SEC22A: variants seen among roughly 807,000 people sequenced by gnomAD.
SEC22A encodes the protein vesicle-trafficking protein SEC22a.
Under a neutral mutation model 35.3 loss-of-function variants are expected in SEC22A, and 22 were observed. That is an observed-to-expected ratio of 0.62 (90% CI 0.45 to 0.89). The LOEUF (loss-of-function observed/expected upper bound fraction) is 0.89. SEC22A is among the 40% of genes least tolerant of loss of function. The probability of loss-of-function intolerance (pLI) is 0.00; values close to 1 mark genes in which losing one functional copy is unlikely to be tolerated. For missense variants in SEC22A, 354 were observed against 362.5 expected (o/e 0.98, Z 0.19); for synonymous variants, 119 against 129.5 (o/e 0.92, Z 0.55).
At chr3:123,248,702 GT>G (rs1343530547) in intron 5 of SEC22A, among the ~76,000 whole-genome samples, 16 of 152,184 alleles carry the variant, frequency 1.1e-4, no homozygotes, top group African/African-American at 1.4e-4. Flanking sequence ...AAAATTTCAA[GT>G]TATTTGATGG....
At chr3:123,209,760 G>A (rs1003813097) in intron 2 of SEC22A, among the ~76,000 whole-genome samples, 2 of 152,182 alleles carry the variant, frequency 1.3e-5, no homozygotes, top group Admixed American at 6.5e-5. Flanking sequence ...ACGTCTAGTG[G>A]GAGGGGGTAG....
At chr3:123,220,138 G>T (rs1372391334) in intron 2 of SEC22A, among the ~76,000 whole-genome samples, 1 of 152,124 alleles carries the variant, frequency 6.6e-6, no homozygotes, top group Non-Finnish European at 1.5e-5. Context: ...AAGTAAGATA[G>T]ACCATTTGGG....
intron 4 of SEC22A, among the ~76,000 whole-genome samples, chr3:123,239,445 C>G (rs919950226): frequency 2.6e-5 from 4 of 152,034 alleles, no homozygotes; most frequent in African/African-American, 9.7e-5. Context: ...ATCCCTCCCC[C>G]CTCCACCCAC....
At chr3:123,259,993 A>G (rs9289217) in intron 6 of SEC22A, among the ~76,000 whole-genome samples, 29,817 of 151,846 alleles carry the variant, frequency 0.2, 3,035 homozygotes, top group Middle Eastern at 0.27. Context: ...TTAGCCGGGC[A>G]TGGTGATGTG....
chr3:123,271,671 A>G lies in SEC22A; in HGVS notation c.873A>G (p.Leu291=). The G allele has an allele frequency of 1.9e-6, 3 of 1,614,104 alleles. No individual in the cohort carries two copies. The highest frequency in any genetic ancestry group is 2.5e-6 in the Non-Finnish European group (3 of 1,179,988). The change falls in exon 7 of 7, where the codon CTA becomes CTG. Residue 291 remains leucine (L), a synonymous_variant. Coordinates refer to ENST00000492595, the MANE Select transcript of SEC22A (RefSeq NM_012430.5). The part of the protein sequence containing the change: ...FHVTVGAFVT[L]QIWLRQAQGK... ...TGACTGTGGGAGCATTTGTTACACT[A>G]CAGATCTGGCTAAGGCAAGCCCAGG...
At position 123,271,599 on chromosome 3, in the gene SEC22A, C is replaced by G. The variant is rs772354089; in HGVS notation, c.801C>G (p.Asn267Lys). The change falls in exon 7 of 7, where the codon AAC becomes AAG. Residue 267 changes from asparagine (N) to lysine (K), a missense_variant. Physicochemically the swap from Asn to Lys is moderately conservative, Grantham distance 94. Transcript: ENST00000492595. Reference sequence around the variant, plus strand: ...CTTTTGGCTTAATCTGTCTATGCAACATGTATCTCTATGAACTGCGCAACC... The same window carrying G: ...CTTTTGGCTTAATCTGTCTATGCAAGATGTATCTCTATGAACTGCGCAACC... ...FLTFGLICLC[N>K]MYLYELRNLW... 5.6e-6 allele frequency: 9 copies of G among 1,614,138 alleles called. No individual in the cohort carries two copies. The highest frequency in any genetic ancestry group is 7.6e-6 in the Non-Finnish European group (9 of 1,179,998).
At chr3:123,226,392 C>T (rs1021727550) in intron 4 of SEC22A, among the ~76,000 whole-genome samples, 7 of 152,222 alleles carry the variant, frequency 4.6e-5, no homozygotes, top group Non-Finnish European at 1.0e-4. Flanking sequence ...CCCAGTTTAA[C>T]TGAGGTGAAA....
intron 5 of SEC22A, among the ~76,000 whole-genome samples, chr3:123,258,908 T>TA (rs1044966426): frequency 3.6e-4 from 55 of 152,300 alleles, no homozygotes; most frequent in African/African-American, 1.3e-3. Flanking sequence ...ATGTCTCCAT[T>TA]AGTTTTCTTT....
At position 123,273,895 on chromosome 3, in the gene SEC22A, CT is replaced by C. The variant is rs1216491420; in HGVS notation, c.*2174del. 1 of 152,022 alleles carries C rather than the reference CT, an allele frequency of 6.6e-6. No homozygotes were observed. Among genetic ancestry groups the C allele is most frequent in the Non-Finnish European group, 1.5e-5 (1 of 68,016 alleles). 9.4% of individuals were successfully genotyped at this position (152,022 alleles called of 1,614,324 possible). Reference sequence around the variant, plus strand: ...GGAGCATTCTGGTTGAGATTTTGCTCTGTATTGACACAGCTCGCACCAGTTT... The same window carrying C: ...GGAGCATTCTGGTTGAGATTTTGCTCGTATTGACACAGCTCGCACCAGTTT... On this transcript the variant is annotated 3_prime_UTR_variant, in exon 7 of 7. Transcript: ENST00000492595.
intron 4 of SEC22A, among the ~76,000 whole-genome samples, chr3:123,233,395 C>A (rs1206438373): frequency 1.3e-5 from 2 of 152,100 alleles, no homozygotes; most frequent in African/African-American, 4.8e-5. Context: ...TGTAAATACA[C>A]TCTATGACGT....
chr3:123,211,041 G>C (rs1407720241), intron 2 of SEC22A, among the ~76,000 whole-genome samples: 1 of 152,136 alleles, frequency 6.6e-6, no homozygotes, highest in Non-Finnish European at 1.5e-5. Flanking sequence ...ACGTGACTTT[G>C]ATGTAATATG....
rs911751238 is a variant in SEC22A at position 123,213,759 on chromosome 3, C to G, written c.182+4360C>G. 9.9e-5 allele frequency among the ~76,000 whole-genome samples: 15 copies of G among 152,034 alleles called. 1 individual carries two copies. The highest frequency in any genetic ancestry group is 8.5e-4 in the Admixed American group (13 of 15,268). On this transcript the variant is annotated intron_variant, in intron 2 of 6. Coordinates refer to ENST00000492595, the MANE Select transcript of SEC22A (RefSeq NM_012430.5). The stretch of plus-strand genomic sequence containing the variant: ...TAGAAATTGAGATACTCTTTCTTTA[C>G]AGAATCTCAAAATCACTAAGTATAT...
chr3:123,216,862 T>C (rs1424353429), intron 2 of SEC22A, among the ~76,000 whole-genome samples: 2 of 152,346 alleles, frequency 1.3e-5, no homozygotes, highest in East Asian at 3.9e-4. Flanking sequence ...GGGGTTTTGC[T>C]CTGTTGCCCA....
At chr3:123,230,112 C>T (rs1485582782) in intron 4 of SEC22A, among the ~76,000 whole-genome samples, 1 of 152,088 alleles carries the variant, frequency 6.6e-6, no homozygotes, top group Non-Finnish European at 1.5e-5. Context: ...GCCCTCCAGC[C>T]TGGGCAGTAG....
At position 123,271,546 on chromosome 3, in the gene SEC22A, G is replaced by A. The variant is rs774338540; in HGVS notation, c.748G>A (p.Gly250Ser). The A allele has an allele frequency of 1.5e-5, 24 of 1,613,572 alleles. No individual in the cohort carries two copies. Among genetic ancestry groups the A allele is most frequent in the Non-Finnish European group, 2.0e-5 (24 of 1,179,968 alleles). Residue 250 changes from glycine (G) to serine (S), a missense_variant, in exon 7 of 7, where the codon GGC becomes AGC. Gly to Ser is a moderately conservative substitution (Grantham distance 56, BLOSUM62 0). Transcript: ENST00000492595. ...GTGTTATTTACTTGTCTACTACACC[G>A]GCTGGCGGAATGTCAAATCTTTTTT... ...YQCYLLVYYT[G>S]WRNVKSFLTF...
At chr3:123,251,379 T>C (rs1023326126) in intron 5 of SEC22A, among the ~76,000 whole-genome samples, 2 of 152,190 alleles carry the variant, frequency 1.3e-5, no homozygotes, top group Non-Finnish European at 2.9e-5. Flanking sequence ...GAATCCTTTC[T>C]TTTGTCTTAG....
chr3:123,214,145 A>G (rs1936985066), intron 2 of SEC22A, among the ~76,000 whole-genome samples: 1 of 152,230 alleles, frequency 6.6e-6, no homozygotes, highest in Admixed American at 6.5e-5. Flanking sequence ...CAGTGAGCTG[A>G]GATCGTGCCA....
rs1382358696 is a variant in SEC22A at position 123,273,252 on chromosome 3, C to G, written c.*1530C>G. 1 of 152,134 alleles carries G rather than the reference C, an allele frequency of 6.6e-6. No homozygotes were observed. The allele number at this position is 152,134 out of a possible 1,614,324, so 9.4% of individuals were successfully genotyped here. On this transcript the variant is annotated 3_prime_UTR_variant, in exon 7 of 7. Transcript: ENST00000492595. ...CGTGAACCAGTATTTGTGGATATGTCTAGAACTGTAAAATCTTGCTTAACT... is the reference window on the plus strand; with the variant it reads ...CGTGAACCAGTATTTGTGGATATGTGTAGAACTGTAAAATCTTGCTTAACT...
intron 5 of SEC22A, among the ~76,000 whole-genome samples, chr3:123,257,863 G>A (rs1017156461): frequency 2.0e-5 from 3 of 151,660 alleles, no homozygotes; most frequent in African/African-American, 4.8e-5. Context: ...ATGGTGGCAC[G>A]CACCTGTAGT....
Sources: gnomAD v4.1 joint callset for allele counts (sites outside exome capture counted in the v4.1 genomes callset) on GRCh38, gnomAD v4.1.1 for gene constraint, MANE v1.5 for transcripts, NCBI Gene and HGNC (gene_info 2026-07-23, HGNC 2026-07-21) for gene names.